The following KIF13A variants were observed in gnomAD, a reference collection of about 807,000 sequenced individuals.
KIF13A encodes the protein kinesin family member 13A.
In KIF13A, 79 loss-of-function variants were observed where a neutral mutation model predicts 212.2. That is an observed-to-expected ratio of 0.37 (90% CI 0.31 to 0.45). KIF13A has a LOEUF of 0.45. KIF13A is among the 20% of genes least tolerant of loss of function. KIF13A has a pLI of 1.00. For synonymous variants in KIF13A, 789 were observed against 808.6 expected, an observed-to-expected ratio of 0.98 and a Z score of 0.41; for missense variants, 1,901 against 2,209.0, an observed-to-expected ratio of 0.86 and a Z score of 2.79.
At chr6:17,937,867 GCCT>G (rs1776613016) in intron 2 of KIF13A, among the ~76,000 whole-genome samples, 1 of 151,792 alleles carries the variant, frequency 6.6e-6, no homozygotes, top group East Asian at 1.9e-4. Flanking sequence ...TCCTGCCTCA[GCCT>G]CTCAAGTAGC....
At chr6:17,884,691 CTTGCT>C (rs1304240155) in intron 3 of KIF13A, among the ~76,000 whole-genome samples, 2 of 152,198 alleles carry the variant, frequency 1.3e-5, no homozygotes, top group Non-Finnish European at 2.9e-5. Flanking sequence ...TCTATGTGGA[CTTGCT>C]TTGCTTTGTA....
At chr6:17,985,632 C>CCGGGGGGGG (rs112580662) in intron 2 of KIF13A, among the ~76,000 whole-genome samples, 20 of 38,182 alleles carry the variant, frequency 5.2e-4, no homozygotes, top group Admixed American at 6.5e-4. Context: ...ATGCAGTTTG[C>CCGGGGGGGG]GGGGGGGTGG....
chr6:17,958,894 T>G (rs935340867), intron 2 of KIF13A, among the ~76,000 whole-genome samples: 1 of 137,704 alleles, frequency 7.3e-6, no homozygotes, highest in Non-Finnish European at 1.6e-5. Context: ...TTTTTTTTTT[T>G]TTTTTGAGAC....
At chr6:17,976,970 C>T (rs536588866) in intron 2 of KIF13A, among the ~76,000 whole-genome samples, 9 of 151,736 alleles carry the variant, frequency 5.9e-5, no homozygotes, top group East Asian at 1.9e-4. Context: ...GGTGTGGTGG[C>T]GGGCGCCTGT....
intron 3 of KIF13A, among the ~76,000 whole-genome samples, chr6:17,887,835 A>G (rs566575912): frequency 6.6e-6 from 1 of 150,650 alleles, no homozygotes; most frequent in Non-Finnish European, 1.5e-5. Context: ...CTGGGATTAC[A>G]GGCACCCACC....
chr6:17,845,421 G>C (rs576783393), intron 9 of KIF13A, among the ~76,000 whole-genome samples: 4 of 152,242 alleles, frequency 2.6e-5, no homozygotes, highest in Admixed American at 2.6e-4. Context: ...AATTTCTATA[G>C]AACAAGTGTT....
rs55896015 is a variant in KIF13A, at chr6:17,871,537, G to C, written c.220+1840C>G. On this transcript the variant is annotated intron_variant, in intron 4 of 38. Coordinates refer to ENST00000259711, the MANE Select transcript of KIF13A (RefSeq NM_022113.6). The surrounding 1 kb of genome is among the most constrained non-coding windows in gnomAD (Gnocchi z 4.4). ...GGCTGCACACACACAGTGGGTTGGGGGGGGAGTCATGAATACTTAAAAAAT... is the reference window on the plus strand; with the variant it reads ...GGCTGCACACACACAGTGGGTTGGGCGGGGAGTCATGAATACTTAAAAAAT... 1.5e-4 allele frequency among the ~76,000 whole-genome samples: 23 copies of C among 151,988 alleles called. No homozygotes were observed. Among genetic ancestry groups the C allele is most frequent in the Admixed American group, 2.6e-4 (4 of 15,246 alleles).
intron 34 of KIF13A, among the ~76,000 whole-genome samples, chr6:17,775,884 C>T (rs1477336172): frequency 6.6e-6 from 1 of 151,444 alleles, no homozygotes; most frequent in African/African-American, 2.4e-5. Flanking sequence ...AGCAGTTTTT[C>T]TTCACTTTTT....
At chr6:17,767,605 GT>G (rs1759127983) in intron 38 of KIF13A, among the ~76,000 whole-genome samples, 1 of 152,156 alleles carries the variant, frequency 6.6e-6, no homozygotes. Flanking sequence ...TTTGATTTAA[GT>G]TGGCAAACAC....
chr6:17,920,409 C>T (rs1774954441), intron 2 of KIF13A, among the ~76,000 whole-genome samples: 1 of 152,138 alleles, frequency 6.6e-6, no homozygotes, highest in African/African-American at 2.4e-5. Flanking sequence ...TTTCTATACA[C>T]AAAATCTTTC....
In KIF13A at chr6:17,919,426, C is replaced by G. The variant is rs996628509; in HGVS notation, c.147-21246G>C. On this transcript the variant is annotated intron_variant, in intron 2 of 38. Transcript: ENST00000259711. The surrounding 1 kb of genome is among the most constrained non-coding windows in gnomAD (Gnocchi z 4.1). ...TGGATTCATATTCAACTTAGGGAAA[C>G]AAACTAGCAGATTATAAATTTCCAA... is the stretch of plus-strand genomic sequence containing the variant. 6.6e-6 allele frequency among the ~76,000 whole-genome samples: 1 copy of G among 152,202 alleles called. No individual in the cohort carries two copies. Among genetic ancestry groups the G allele is most frequent in the Non-Finnish European group, 1.5e-5 (1 of 68,036 alleles).
intron 2 of KIF13A, among the ~76,000 whole-genome samples, chr6:17,940,720 C>T (rs181081409): frequency 1.4e-4 from 21 of 152,122 alleles, no homozygotes; most frequent in Admixed American, 1.4e-3. Flanking sequence ...ATTTGCATTT[C>T]AAGTGTTACA....
intron 3 of KIF13A, among the ~76,000 whole-genome samples, chr6:17,889,477 G>T (rs968689576): frequency 1.3e-5 from 2 of 152,148 alleles, no homozygotes; most frequent in Admixed American, 6.6e-5. Flanking sequence ...CAAAACAATT[G>T]TGAGTTTAAA....
At chr6:17,841,509 C>A (rs559526315) in intron 9 of KIF13A, among the ~76,000 whole-genome samples, 2 of 152,108 alleles carry the variant, frequency 1.3e-5, no homozygotes, top group South Asian at 2.1e-4. Flanking sequence ...GGCAAACAGA[C>A]GAAAAATATT....
chr6:17,862,423 T>A (rs1768887750), intron 4 of KIF13A, among the ~76,000 whole-genome samples: 1 of 152,206 alleles, frequency 6.6e-6, no homozygotes, highest in East Asian at 1.9e-4. Context: ...TTCATTTTAC[T>A]GCAAAGAAAA....
rs1215180751 is a variant in KIF13A, at chr6:17,811,023, CA to C, written c.2001-2094del. Among the ~76,000 whole-genome samples, 1 of 152,216 alleles carries C rather than the reference CA, an allele frequency of 6.6e-6. No individual in the cohort carries two copies. Among genetic ancestry groups the C allele is most frequent in the Non-Finnish European group, 1.5e-5 (1 of 68,044 alleles). ...TAGACTACACGAAACAGTTCTTTTG[CA>C]GTCTCCCAAATACATCTTAATTCTC... On this transcript the variant is annotated intron_variant, in intron 17 of 38. Transcript: ENST00000259711. This position sits in a 1 kb window ranked among gnomAD's most constrained non-coding sequence, Gnocchi z 6.0.
chr6:17,791,010 T>C (rs1761489188), intron 25 of KIF13A, among the ~76,000 whole-genome samples: 1 of 152,010 alleles, frequency 6.6e-6, no homozygotes, highest in African/African-American at 2.4e-5. Flanking sequence ...ATTTTCCTTA[T>C]AAACGAGAAC....
downstream of KIF13A, among the ~76,000 whole-genome samples, chr6:17,762,894 A>G (rs997668467): frequency 6.6e-6 from 1 of 152,232 alleles, no homozygotes; most frequent in Non-Finnish European, 1.5e-5. Context: ...TATGAAAAGC[A>G]GGGGCAAAAG....
rs763454205 is a variant in KIF13A at position 17,780,838 on chromosome 6, C to T, written c.3738G>A (p.Gln1246=). 15 of 1,613,826 alleles carry T rather than the reference C, an allele frequency of 9.3e-6. No individual in the cohort carries two copies. The highest frequency in any genetic ancestry group is 1.7e-5 in the Admixed American group (1 of 60,000). The change falls in exon 31 of 39, where the codon CAG becomes CAA. Residue 1246 remains glutamine (Q), a synonymous_variant. Transcript: ENST00000259711. ...DSVHLNRVTP[Q]NERIYLIVKT... Reference sequence around the variant, plus strand: ...TCACAATTAGGTAAATCCTTTCATTCTGTGGTGTGACCCTATTCAAGTGAA... The same window carrying T: ...TCACAATTAGGTAAATCCTTTCATTTTGTGGTGTGACCCTATTCAAGTGAA...
Sources: gnomAD v4.1 joint callset for allele counts (sites outside exome capture counted in the v4.1 genomes callset) on GRCh38, gnomAD v4.1.1 for gene constraint, Gnocchi (gnomAD v3.1) non-coding constraint, MANE v1.5 for transcripts, NCBI Gene and HGNC (gene_info 2026-07-23, HGNC 2026-07-21) for gene names.